ZDHHC20: variants seen among roughly 807,000 people sequenced by gnomAD.
ZDHHC20 encodes zDHHC palmitoyltransferase 20.
ZDHHC20 carries 43 observed loss-of-function variants against 57.8 expected under a neutral mutation model. That is an observed-to-expected ratio of 0.74 (90% CI 0.58 to 0.96). The LOEUF (loss-of-function observed/expected upper bound fraction) is 0.96, where lower values mean the gene tolerates loss of function less well. Among genes scored for constraint, ZDHHC20 ranks in the 40% least tolerant of loss-of-function variants. The pLI, the probability that ZDHHC20 is intolerant of heterozygous loss-of-function variation, is 0.00. For missense variants in ZDHHC20, 391 were observed against 441.1 expected, an observed-to-expected ratio of 0.89 and a Z score of 1.02; for synonymous variants, 157 against 153.0, an observed-to-expected ratio of 1.03 and a Z score of -0.19.
chr13:21,442,476 C>T (rs149069996), intron 1 of ZDHHC20, among the ~76,000 whole-genome samples: 196 of 152,234 alleles, frequency 1.3e-3, no homozygotes, highest in Admixed American at 2.3e-3. Context: ...TTGACGTGGC[C>T]AGGCACGGTG....
intron 3 of ZDHHC20, among the ~76,000 whole-genome samples, chr13:21,420,047 G>T (rs1223622274): frequency 6.6e-6 from 1 of 152,224 alleles, no homozygotes; most frequent in Non-Finnish European, 1.5e-5. Flanking sequence ...AGCACTTTGG[G>T]AGGCTGAGGC....
chr13:21,408,425 T>C (rs1051383031), intron 4 of ZDHHC20, among the ~76,000 whole-genome samples: 4 of 152,222 alleles, frequency 2.6e-5, no homozygotes, highest in South Asian at 2.1e-4. Flanking sequence ...TTGTCTATTA[T>C]TGGCGTATAG....
chr13:21,436,163 G>C (rs184540663), intron 1 of ZDHHC20, among the ~76,000 whole-genome samples: 1 of 152,288 alleles, frequency 6.6e-6, no homozygotes, highest in South Asian at 2.1e-4. Context: ...TGGTCTAATA[G>C]AATATTAATT....
At chr13:21,444,913 G>A (rs142066581) in intron 1 of ZDHHC20, among the ~76,000 whole-genome samples, 18 of 152,064 alleles carry the variant, frequency 1.2e-4, no homozygotes, top group Admixed American at 3.3e-4. Flanking sequence ...AAAATTGGCC[G>A]GCCATGGTGT....
chr13:21,381,416 T>C lies in ZDHHC20; in HGVS notation c.1060+18A>G. On this transcript the variant is annotated intron_variant, in intron 11 of 12. Coordinates refer to ENST00000400590, the MANE Select transcript of ZDHHC20 (RefSeq NM_001330059.2). Reference sequence around the variant, plus strand: ...CATTTGAACCAGACAAAGCAGTGTTTCAAATGAGAACTATTACCTGATTTG... The same window carrying C: ...CATTTGAACCAGACAAAGCAGTGTTCCAAATGAGAACTATTACCTGATTTG... 6.3e-7 allele frequency: 1 copy of C among 1,581,860 alleles called. No individual in the cohort carries two copies. Among genetic ancestry groups the C allele is most frequent in the Non-Finnish European group, 8.7e-7 (1 of 1,151,238 alleles).
intron 11 of ZDHHC20, 120 bp downstream of exon 11, chr13:21,381,312 TAA>T: frequency 1.1e-6 from 1 of 881,224 alleles, no homozygotes; most frequent in Non-Finnish European, 1.7e-6. Context: ...AGCATATATT[TAA>T]AAGTTTCACA....
At position 21,375,607 on chromosome 13, in the gene ZDHHC20, T is replaced by C. The variant is rs148116773; in HGVS notation, c.*1089A>G. 6.5e-6 allele frequency: 1 copy of C among 153,216 alleles called. No homozygotes were observed. The highest frequency in any genetic ancestry group is 1.5e-5 in the Non-Finnish European group (1 of 68,718). 9.5% of individuals were successfully genotyped at this position (153,216 alleles called of 1,614,324 possible). ...GACCACTCAGGTTAGAATTTCCAACTGACAGCCAGGAGGAAAACTTACTCT... is the reference window on the plus strand; with the variant it reads ...GACCACTCAGGTTAGAATTTCCAACCGACAGCCAGGAGGAAAACTTACTCT... On this transcript the variant is annotated 3_prime_UTR_variant, in exon 13 of 13. Coordinates refer to ENST00000400590, the MANE Select transcript of ZDHHC20 (RefSeq NM_001330059.2).
intron 12 of ZDHHC20, among the ~76,000 whole-genome samples, chr13:21,378,096 C>T (rs1872558974): frequency 6.6e-6 from 1 of 151,972 alleles, no homozygotes; most frequent in South Asian, 2.1e-4. Context: ...GGCTGGAGTG[C>T]AGCTTGTGCC....
chr13:21,402,580 C>A (rs1191334152), intron 5 of ZDHHC20, among the ~76,000 whole-genome samples: 2 of 152,158 alleles, frequency 1.3e-5, no homozygotes, highest in Admixed American at 6.6e-5. Context: ...CAAGAAAATT[C>A]TATTAACTGG....
chr13:21,392,947 G>A (rs1876014272), intron 7 of ZDHHC20, among the ~76,000 whole-genome samples: 1 of 152,124 alleles, frequency 6.6e-6, no homozygotes, highest in Non-Finnish European at 1.5e-5. Context: ...TCATGGTAAT[G>A]ATGTATTTTA....
chr13:21,453,014 C>CTA (rs1884600536), intron 1 of ZDHHC20, among the ~76,000 whole-genome samples: 1 of 152,118 alleles, frequency 6.6e-6, no homozygotes, highest in Admixed American at 6.5e-5. Flanking sequence ...TCAAAACCCC[C>CTA]TATTAAAAGG....
chr13:21,399,313 CCAGCCTGGGTGACCAAG>C (rs1345247323), intron 7 of ZDHHC20, among the ~76,000 whole-genome samples: 1 of 151,496 alleles, frequency 6.6e-6, no homozygotes, highest in Non-Finnish European at 1.5e-5. Flanking sequence ...CCACTGCACT[CCAGCCTGGGTGACCAAG>C]CAAGATTCCG....
chr13:21,388,110 G>A (rs893615850), intron 8 of ZDHHC20, among the ~76,000 whole-genome samples: 2 of 152,178 alleles, frequency 1.3e-5, no homozygotes, highest in Non-Finnish European at 2.9e-5. Flanking sequence ...TGGGAGCACA[G>A]AGGTGAAGGA....
At chr13:21,398,821 A>G (rs926873109) in intron 7 of ZDHHC20, among the ~76,000 whole-genome samples, 5 of 152,180 alleles carry the variant, frequency 3.3e-5, no homozygotes, top group Admixed American at 6.5e-5. Context: ...TAGCAACTGG[A>G]AACAGGGGAA....
intron 1 of ZDHHC20, among the ~76,000 whole-genome samples, chr13:21,453,985 T>C (rs1884687263): frequency 6.6e-6 from 1 of 152,122 alleles, no homozygotes; most frequent in Non-Finnish European, 1.5e-5. Flanking sequence ...TAGGCTGGAC[T>C]TCAGACACAA....
At chr13:21,431,869 T>C (rs146520296) in intron 1 of ZDHHC20, among the ~76,000 whole-genome samples, 85 of 152,348 alleles carry the variant, frequency 5.6e-4, no homozygotes, top group Non-Finnish European at 1.0e-3. Context: ...GATATGTGTG[T>C]GCCAATATTT....
chr13:21,407,203 T>G (rs1481828594), intron 4 of ZDHHC20, among the ~76,000 whole-genome samples: 1 of 151,758 alleles, frequency 6.6e-6, no homozygotes, highest in Non-Finnish European at 1.5e-5. Flanking sequence ...ACCATGTTGG[T>G]CAGGCTGGTC....
At chr13:21,414,452 C>T (rs1879664620) in intron 3 of ZDHHC20, among the ~76,000 whole-genome samples, 1 of 151,552 alleles carries the variant, frequency 6.6e-6, no homozygotes, top group Non-Finnish European at 1.5e-5. Context: ...GCTCCGCCTC[C>T]CGGGTTCATG....
At chr13:21,456,492 A>C (rs1176473949) in intron 1 of ZDHHC20, among the ~76,000 whole-genome samples, 1 of 152,250 alleles carries the variant, frequency 6.6e-6, no homozygotes, top group African/African-American at 2.4e-5. Flanking sequence ...ACTTCCCTCC[A>C]TTTAAGTCCT....
Sources: gnomAD v4.1 joint callset for allele counts (sites outside exome capture counted in the v4.1 genomes callset) on GRCh38, gnomAD v4.1.1 for gene constraint, MANE v1.5 for transcripts, NCBI Gene and HGNC (gene_info 2026-07-23, HGNC 2026-07-21) for gene names.